KRTAP9-4: variants seen among roughly 807,000 people sequenced by gnomAD.
The protein encoded by KRTAP9-4 is keratin-associated protein 9-4.
In KRTAP9-4, 8 loss-of-function variants were observed where a neutral mutation model predicts 12.7. The ratio of observed to expected loss-of-function variants is 0.63; its 90% CI spans 0.37 to 1.14. The LOEUF (loss-of-function observed/expected upper bound fraction) is 1.14, where lower values mean the gene tolerates loss of function less well. Ranked by LOEUF, KRTAP9-4 falls within the 50% of genes most tolerant of loss-of-function variation. The pLI is 0.01. For missense variants in KRTAP9-4, 188 were observed against 189.1 expected (o/e 0.99, Z 0.03); for synonymous variants, 81 against 67.3 (o/e 1.20, Z -1.00).
In KRTAP9-4 at chr17:41,250,153, G is replaced by A. The variant is rs1272101709; in HGVS notation, c.433G>A (p.Val145Met). 1 of 1,614,126 alleles carries A rather than the reference G, an allele frequency of 6.2e-7. No homozygotes were observed. Among genetic ancestry groups the A allele is most frequent in the Admixed American group, 1.7e-5 (1 of 60,012 alleles). The change falls in exon 1 of 1, where the codon GTG (valine) becomes ATG (methionine). Residue 145 changes from valine (V) to methionine (M), a missense_variant. Coordinates refer to ENST00000334109, the MANE Select transcript of KRTAP9-4 (RefSeq NM_033191.3). ...CETTCFQPTCVSSCCQPFCC is the reference protein window; with the variant it reads ...CETTCFQPTCMSSCCQPFCC ...GACCACTTGCTTCCAGCCCACCTGT[G>A]TGTCCAGCTGCTGTCAGCCTTTTTG...
chr17:41,249,865 C>A lies in KRTAP9-4; in HGVS notation c.145C>A (p.Gln49Lys). Residue 49 changes from glutamine to lysine, a missense_variant, in exon 1 of 1, where the codon CAG becomes AAG. Coordinates refer to ENST00000334109, the MANE Select transcript of KRTAP9-4 (RefSeq NM_033191.3). ...QPSCCVSSCC[Q>K]PCCRPTCCQN... ...CTCCTGCTGTGTTTCCAGCTGCTGC[C>A]AGCCTTGCTGCCGCCCAACTTGCTG... 6.5e-7 allele frequency: 1 copy of A among 1,541,960 alleles called. No homozygotes were observed. Among genetic ancestry groups the A allele is most frequent in the East Asian group, 2.3e-5 (1 of 43,126 alleles).
In KRTAP9-4 at chr17:41,249,765, G is replaced by A. The variant is rs2016190649; in HGVS notation, c.45G>A (p.Arg15=). The change falls in exon 1 of 1, where the codon AGG becomes AGA. Residue 15 remains arginine, a synonymous_variant. Transcript: ENST00000334109. ...CSPCCQPTCC[R]TTCCRTTCWK... ...CTTGCTGTCAGCCTACATGCTGCAG[G>A]ACCACCTGCTGCAGGACCACCTGCT... The A allele has an allele frequency of 1.2e-6, 2 of 1,611,634 alleles. No individual in the cohort carries two copies. The highest frequency in any genetic ancestry group is 1.1e-5 in the South Asian group (1 of 90,924).
Position 41,250,182 on chromosome 17 carries a change from C to G in KRTAP9-4, c.462C>G (p.Cys154Trp). The G allele has an allele frequency of 6.2e-7, 1 of 1,614,242 alleles. No homozygotes were observed. Among genetic ancestry groups the G allele is most frequent in the Non-Finnish European group, 8.5e-7 (1 of 1,180,018 alleles). ...CCAGCTGCTGTCAGCCTTTTTGCTG[C>G]TGATCAAGTCCCAAGAGAACCACCA... Reference protein sequence around the residue: ...CVSSCCQPFCC With the variant: ...CVSSCCQPFCW Residue 154 changes from cysteine to tryptophan, a missense_variant, in exon 1 of 1, where the codon TGC becomes TGG. By Grantham distance (215) the Cys-to-Trp change is radical. Coordinates refer to ENST00000334109, the MANE Select transcript of KRTAP9-4 (RefSeq NM_033191.3).
rs1259187580 is a variant in KRTAP9-4, at chr17:41,250,048, A to T, written c.328A>T (p.Thr110Ser). ...CAGAAGAACCTGCTACTACCCCACA[A>T]CTGTCTGCCTGCCTGGTTGCCTAAA... is the stretch of plus-strand genomic sequence containing the variant. ...YCRRTCYYPT[T>S]VCLPGCLNQS... Residue 110 changes from threonine (T) to serine (S), a missense_variant, in exon 1 of 1, where the codon ACT (threonine) becomes TCT (serine). Physicochemically the swap from Thr to Ser is moderately conservative, Grantham distance 58 (BLOSUM62 1). Transcript: ENST00000334109. The T allele has an allele frequency of 2.5e-6, 4 of 1,611,498 alleles. No homozygotes were observed. Among genetic ancestry groups the T allele is most frequent in the Admixed American group, 1.7e-5 (1 of 59,722 alleles).
At position 41,250,348 on chromosome 17, in the gene KRTAP9-4, G is replaced by A. The variant is rs2016209052; in HGVS notation, c.*163G>A. The stretch of plus-strand genomic sequence containing the variant: ...AATCTTGGGAATCTACTTGAGGGAG[G>A]GCAGAATACTTCATCCTGATTCTCT... On this transcript the variant is annotated 3_prime_UTR_variant, in exon 1 of 1. Coordinates refer to ENST00000334109, the MANE Select transcript of KRTAP9-4 (RefSeq NM_033191.3). 1 of 814,446 alleles carries A rather than the reference G, an allele frequency of 1.2e-6. No homozygotes were observed. The highest frequency in any genetic ancestry group is 2.0e-6 in the Non-Finnish European group (1 of 504,784). The allele number at this position is 814,446 out of a possible 1,614,324, so 50.5% of individuals were successfully genotyped here.
At position 41,250,023 on chromosome 17, in the gene KRTAP9-4, C is replaced by T; in HGVS notation, c.303C>T (p.Cys101=). 6.2e-7 allele frequency: 1 copy of T among 1,614,102 alleles called. No individual in the cohort carries two copies. The highest frequency in any genetic ancestry group is 2.2e-5 in the East Asian group (1 of 44,872). The change falls in exon 1 of 1, where the codon TGC becomes TGT. Residue 101 remains cysteine, a synonymous_variant. Transcript: ENST00000334109. ...DQSSSCAPVY[C]RRTCYYPTTV... ...GCAGCTCCTGTGCACCTGTGTACTG[C>T]AGAAGAACCTGCTACTACCCCACAA...
chr17:41,249,853 TC>T, the KRTAP9-4 span: 4 of 1,541,512 alleles, frequency 2.6e-6, no homozygotes, highest in East Asian at 9.3e-5. Context: ...CTGCTGTGTT[TC>T]CAGCTGCTGC....
At position 41,250,125 on chromosome 17, in the gene KRTAP9-4, T is replaced by G; in HGVS notation, c.405T>G (p.Cys135Trp). 1 of 1,614,114 alleles carries G rather than the reference T, an allele frequency of 6.2e-7. No individual in the cohort carries two copies. The highest frequency in any genetic ancestry group is 8.5e-7 in the Non-Finnish European group (1 of 1,180,004). The change falls in exon 1 of 1, where the codon TGT (cysteine) becomes TGG (tryptophan). Residue 135 changes from cysteine (C) to tryptophan (W), a missense_variant. Transcript: ENST00000334109. ...AGCCCTGCTGCCGCCCAGCCTGCTG[T>G]GAGACCACTTGCTTCCAGCCCACCT... The part of the protein sequence containing the change: ...CCQPCCRPAC[C>W]ETTCFQPTCV...
rs1257810175 is a variant in KRTAP9-4 at position 41,249,801 on chromosome 17, C to G, written c.81C>G (p.Thr27=). The G allele has an allele frequency of 7.4e-6, 12 of 1,612,730 alleles. No homozygotes were observed. Among genetic ancestry groups the G allele is most frequent in the Non-Finnish European group, 1.0e-5 (12 of 1,179,956 alleles). ...TCCRTTCWKP[T]TVTTCSSTPC... ...GCAGGACCACCTGCTGGAAGCCCAC[C>G]ACTGTGACCACCTGCAGCAGCACAC... Residue 27 remains threonine (T), a synonymous_variant, in exon 1 of 1, where the codon ACC becomes ACG. Transcript: ENST00000334109.
In KRTAP9-4 at chr17:41,250,609, A is replaced by T; in HGVS notation, c.*424A>T. ...TGGGTTATGTTTCTGCTACCAGCAG[A>T]GATTCTTAGCTATATGTTTCTGAAT... On this transcript the variant is annotated 3_prime_UTR_variant, in exon 1 of 1. Coordinates refer to ENST00000334109, the MANE Select transcript of KRTAP9-4 (RefSeq NM_033191.3). The T allele has an allele frequency of 5.5e-6, 1 of 181,796 alleles. No homozygotes were observed. The highest frequency in any genetic ancestry group is 1.1e-5 in the Non-Finnish European group (1 of 88,474). 11.3% of individuals were successfully genotyped at this position (181,796 alleles called of 1,614,324 possible). A position where few individuals can be genotyped will look rare whatever the true frequency, so the allele number is the denominator to read the frequency against.
In KRTAP9-4 at chr17:41,249,740, C is replaced by T. The variant is rs192691497; in HGVS notation, c.20C>T (p.Pro7Leu). The T allele has an allele frequency of 3.9e-4, 634 of 1,611,744 alleles. 8 individuals are homozygous for T. In the East Asian group the frequency reaches 0.014, roughly 35 times the overall value. Residue 7 changes from proline (P) to leucine (L), a missense_variant, in exon 1 of 1, where the codon CCT (proline) becomes CTT (leucine). Physicochemically the swap from Pro to Leu is moderately conservative, Grantham distance 98. Transcript: ENST00000334109. MTHCCS[P>L]CCQPTCCRTT... ...GACACCATGACCCACTGTTGCTCCC[C>T]TTGCTGTCAGCCTACATGCTGCAGG... is the stretch of plus-strand genomic sequence containing the variant.
the KRTAP9-4 span, chr17:41,250,138 TTCC>T: frequency 6.2e-7 from 1 of 1,614,224 alleles, no homozygotes; most frequent in Non-Finnish European, 8.5e-7. Flanking sequence ...GACCACTTGC[TTCC>T]AGCCCACCTG....
At position 41,250,449 on chromosome 17, in the gene KRTAP9-4, A is replaced by T. The variant is rs2016211740; in HGVS notation, c.*264A>T. ...TGAGTCATGGTCTCAGCTTTGACTC[A>T]AAAGTCAAGAGCTTCATTCTCTGCT... On this transcript the variant is annotated 3_prime_UTR_variant, in exon 1 of 1. Coordinates refer to ENST00000334109, the MANE Select transcript of KRTAP9-4 (RefSeq NM_033191.3). 1 of 653,580 alleles carries T rather than the reference A, an allele frequency of 1.5e-6. No homozygotes were observed. Among genetic ancestry groups the T allele is most frequent in the South Asian group, 2.1e-5 (1 of 48,258 alleles). The allele number at this position is 653,580 out of a possible 1,614,324, so 40.5% of individuals were successfully genotyped here. A position where few individuals can be genotyped will look rare whatever the true frequency, so the allele number is the denominator to read the frequency against.
Position 41,250,269 on chromosome 17 carries a change from G to C in KRTAP9-4, c.*84G>C, listed in dbSNP as rs1853737925. On this transcript the variant is annotated 3_prime_UTR_variant, in exon 1 of 1. Transcript: ENST00000334109. ...TTTTGGGGGACTAATTTAATTTGCT[G>C]CTGACAGCCACCATGCTCTCACCCA... is the stretch of plus-strand genomic sequence containing the variant. 1.3e-6 allele frequency: 2 copies of C among 1,558,780 alleles called. No homozygotes were observed. The highest frequency in any genetic ancestry group is 1.8e-6 in the Non-Finnish European group (2 of 1,140,740).
At position 41,250,059 on chromosome 17, in the gene KRTAP9-4, G is replaced by T; in HGVS notation, c.339G>T (p.Leu113=). 6.2e-7 allele frequency: 1 copy of T among 1,613,742 alleles called. No homozygotes were observed. The highest frequency in any genetic ancestry group is 8.5e-7 in the Non-Finnish European group (1 of 1,179,956). ...GCTACTACCCCACAACTGTCTGCCT[G>T]CCTGGTTGCCTAAACCAGAGCTGTG... The part of the protein sequence containing the change: ...RTCYYPTTVC[L]PGCLNQSCGS... Residue 113 remains leucine (L), a synonymous_variant, in exon 1 of 1, where the codon CTG becomes CTT. Coordinates refer to ENST00000334109, the MANE Select transcript of KRTAP9-4 (RefSeq NM_033191.3).
the KRTAP9-4 span, chr17:41,250,164 C>A: frequency 1.9e-6 from 3 of 1,614,242 alleles, no homozygotes; most frequent in Admixed American, 5.0e-5. Context: ...TGTCCAGCTG[C>A]TGTCAGCCTT....
Position 41,249,914 on chromosome 17 carries a change from C to T in KRTAP9-4, c.194C>T (p.Thr65Ile), listed in dbSNP as rs146098518. The T allele has an allele frequency of 9.7e-4, 1,567 of 1,612,342 alleles. No homozygotes were observed. Among genetic ancestry groups the T allele is most frequent in the African/African-American group, 3.5e-3 (261 of 74,950 alleles). Reference sequence around the variant, plus strand: ...TGTCAAAACACCTGCTGCCAGCCCACCTGTGTGACCAGCTGCTGCCAGCCT... The same window carrying T: ...TGTCAAAACACCTGCTGCCAGCCCATCTGTGTGACCAGCTGCTGCCAGCCT... ...TCCQNTCCQPTCVTSCCQPSC... is the reference protein window; with the variant it reads ...TCCQNTCCQPICVTSCCQPSC... Residue 65 changes from threonine (T) to isoleucine (I), a missense_variant, in exon 1 of 1, where the codon ACC becomes ATC. Transcript: ENST00000334109.
Position 41,250,249 on chromosome 17 carries a change from G to A in KRTAP9-4, c.*64G>A. On this transcript the variant is annotated 3_prime_UTR_variant, in exon 1 of 1. Coordinates refer to ENST00000334109, the MANE Select transcript of KRTAP9-4 (RefSeq NM_033191.3). ...TTCTGCTCAACTGACTTATCTTTTG[G>A]GGGACTAATTTAATTTGCTGCTGAC... The A allele has an allele frequency of 6.3e-7, 1 of 1,598,276 alleles. No individual in the cohort carries two copies. Among genetic ancestry groups the A allele is most frequent in the Non-Finnish European group, 8.6e-7 (1 of 1,168,526 alleles).
chr17:41,250,244 T>A lies in KRTAP9-4; in HGVS notation c.*59T>A. ...CAACTTTCTGCTCAACTGACTTATC[T>A]TTTGGGGGACTAATTTAATTTGCTG... On this transcript the variant is annotated 3_prime_UTR_variant, in exon 1 of 1. Transcript: ENST00000334109. 6.2e-7 allele frequency: 1 copy of A among 1,601,266 alleles called. No homozygotes were observed. The highest frequency in any genetic ancestry group is 8.5e-7 in the Non-Finnish European group (1 of 1,170,496).
Sources: allele counts gnomAD v4.1 joint callset, GRCh38; gene constraint gnomAD v4.1.1; transcripts MANE v1.5; gene names NCBI Gene and HGNC (gene_info 2026-07-23, HGNC 2026-07-21).